Variants in MYO1D observed in about 807,000 individuals in gnomAD.
The protein encoded by MYO1D is unconventional myosin-Id.
In MYO1D, 83 loss-of-function variants were observed where a neutral mutation model predicts 122.0. The ratio of observed to expected loss-of-function variants is 0.68; its 90% confidence interval spans 0.57 to 0.82. The LOEUF is 0.82. Among genes scored for constraint, MYO1D ranks in the 40% least tolerant of loss-of-function variants. The pLI, the probability that MYO1D is intolerant of heterozygous loss-of-function variation, is 0.00. For missense variants in MYO1D, 1,157 were observed against 1,269.5 expected (o/e 0.91, Z 1.35); for synonymous variants, 464 against 446.9 (o/e 1.04, Z -0.48).
At chr17:32,531,806 T>C (rs933534940) in intron 21 of MYO1D, among the ~76,000 whole-genome samples, 1 of 152,262 alleles carries the variant, frequency 6.6e-6, no homozygotes, top group African/African-American at 2.4e-5. Context: ...ATTCAAAATA[T>C]ATACAGGCAA....
chr17:32,645,546 G>A (rs1161825415), intron 19 of MYO1D, among the ~76,000 whole-genome samples: 2 of 152,154 alleles, frequency 1.3e-5, no homozygotes, highest in Non-Finnish European at 2.9e-5. Context: ...GCACCAATCA[G>A]ACGGAGATTT....
intron 1 of MYO1D, among the ~76,000 whole-genome samples, chr17:32,834,573 T>C (rs1315324606): frequency 6.6e-6 from 1 of 152,216 alleles, no homozygotes; most frequent in African/African-American, 2.4e-5. Context: ...AACTCCACTA[T>C]CATTCAATTC....
chr17:32,614,683 G>T (rs562497622), intron 20 of MYO1D, among the ~76,000 whole-genome samples: 1 of 152,192 alleles, frequency 6.6e-6, no homozygotes, highest in Non-Finnish European at 1.5e-5. Flanking sequence ...GCTCAGCTGT[G>T]TGGGCTCATC....
In MYO1D at chr17:32,494,801, G is replaced by A. The variant is rs1366387156; in HGVS notation, c.2979C>T (p.Thr993=). The A allele has an allele frequency of 6.2e-7, 1 of 1,613,042 alleles. No individual in the cohort carries two copies. The highest frequency in any genetic ancestry group is 8.5e-7 in the Non-Finnish European group (1 of 1,179,562). The change falls in exon 22 of 22, where the codon ACC becomes ACT. Residue 993 remains threonine (T), a synonymous_variant. Coordinates refer to ENST00000318217, the MANE Select transcript of MYO1D (RefSeq NM_015194.3). ...TGAGGATGAAGCCCGAGCGATTCTT[G>A]GTGAAGTCGGGCTGGGGCTGGTTGA... ...TRLNQPQPDF[T]KNRSGFILSV...
chr17:32,760,169 G>A (rs773929499), intron 10 of MYO1D, 121 bp downstream of exon 10: 3 of 886,890 alleles, frequency 3.4e-6, no homozygotes, highest in African/African-American at 1.6e-5. Flanking sequence ...TCCCAAAAAG[G>A]AAAGCTAAGG....
At chr17:32,526,120 C>G (rs915554809) in intron 21 of MYO1D, among the ~76,000 whole-genome samples, 1 of 152,182 alleles carries the variant, frequency 6.6e-6, no homozygotes, top group African/African-American at 2.4e-5. Context: ...GACGTATATC[C>G]CCTATTAATG....
In MYO1D at chr17:32,690,244, G is replaced by A. The variant is rs143493322; in HGVS notation, c.2121+21744C>T. Among the ~76,000 whole-genome samples the A allele has an allele frequency of 8.6e-3, 1,275 of 148,998 alleles. 19 individuals carry two copies. The highest frequency in any genetic ancestry group is 0.03 in the African/African-American group (1,199 of 40,450). ...GTCATCCCGGCTGGAGTGCAGTGGC[G>A]CGATCTTGGCTCACTGCACCTCCCG... On this transcript the variant is annotated intron_variant, in intron 16 of 21. Transcript: ENST00000318217.
Position 32,775,855 on chromosome 17 carries a change from A to G in MYO1D, c.564+9T>C. The G allele has an allele frequency of 6.3e-7, 1 of 1,590,512 alleles. No homozygotes were observed. On this transcript the variant is annotated intron_variant, in intron 4 of 21. Coordinates refer to ENST00000318217, the MANE Select transcript of MYO1D (RefSeq NM_015194.3). ...AAAACATTACCCTCAGAAATTAAGC[A>G]TATTTTACCTTTTCTAGTAAGTAGT...
intron 16 of MYO1D, among the ~76,000 whole-genome samples, chr17:32,663,091 G>GT (rs1312834954): frequency 6.6e-6 from 1 of 151,914 alleles, no homozygotes; most frequent in East Asian, 1.9e-4. Context: ...CTAACTTTTT[G>GT]TATTTTTAGT....
chr17:32,872,765 C>T lies in MYO1D; in HGVS notation c.95+4013G>A, dbSNP rs1303020398. Among the ~76,000 whole-genome samples the T allele has an allele frequency of 1.5e-4, 22 of 150,538 alleles. 1 individual carries two copies. The highest frequency in any genetic ancestry group is 5.1e-4 in the African/African-American group (21 of 40,910). On this transcript the variant is annotated intron_variant, in intron 1 of 21. Coordinates refer to ENST00000318217, the MANE Select transcript of MYO1D (RefSeq NM_015194.3). ...ACTGCGGACTGCAGTGGCGCAATCT[C>T]GGCTCACTGCAAGCTCCGCTTCCCG...
At position 32,799,095 on chromosome 17, in the gene MYO1D, T is replaced by C. The variant is rs562323923; in HGVS notation, c.96-18311A>G. On this transcript the variant is annotated intron_variant, in intron 1 of 21. Transcript: ENST00000318217. ...TAGCCAGCCAGTCCTTTTCCACTTG[T>C]GAAAATAACCAAGTATTTTCTATAC... Among the ~76,000 whole-genome samples, 16 of 152,250 alleles carry C rather than the reference T, an allele frequency of 1.1e-4. No homozygotes were observed. The South Asian group carries it at 3.1e-3, about 30-fold the overall frequency.
Position 32,657,924 on chromosome 17 carries a change from T to C in MYO1D, c.2345+1191A>G, listed in dbSNP as rs1329553827. Among the ~76,000 whole-genome samples the C allele has an allele frequency of 3.3e-5, 5 of 152,202 alleles. No homozygotes were observed. The East Asian group carries it at 7.7e-4, about 23-fold the overall frequency. Reference sequence around the variant, plus strand: ...ACAGATCTTTATTGGTATGGACAGATCTTCAAGACTTATTTTTGAGTAAAG... The same window carrying C: ...ACAGATCTTTATTGGTATGGACAGACCTTCAAGACTTATTTTTGAGTAAAG... On this transcript the variant is annotated intron_variant, in intron 17 of 21. Transcript: ENST00000318217.
At chr17:32,759,966 A>G in intron 10 of MYO1D, 1 of 512,708 alleles carries the variant, frequency 2.0e-6, no homozygotes, top group East Asian at 2.9e-5. Flanking sequence ...AAGTTCAGCC[A>G]ATTTAAGGTA....
rs1261178171 is a variant in MYO1D at position 32,494,926 on chromosome 17, CA to C, written c.2865-12del. The C allele has an allele frequency of 1.1e-5, 18 of 1,583,820 alleles. No individual in the cohort carries two copies. The highest frequency in any genetic ancestry group is 1.7e-5 in the Admixed American group (1 of 57,144). ...AGGTGGCGCTTCTCACTGCAGGAACCAAAAACACCAGACGGGCAGTTAGCAG... is the reference window on the plus strand; with the variant it reads ...AGGTGGCGCTTCTCACTGCAGGAACCAAAACACCAGACGGGCAGTTAGCAG... On this transcript the variant is annotated splice_polypyrimidine_tract_variant and intron_variant, in intron 21 of 21. Transcript: ENST00000318217.
intron 3 of MYO1D, among the ~76,000 whole-genome samples, chr17:32,777,728 G>A (rs980288276): frequency 2.0e-5 from 3 of 151,804 alleles, no homozygotes; most frequent in African/African-American, 4.8e-5. Flanking sequence ...GACGGGTCAC[G>A]AGGTCAGGAG....
intron 1 of MYO1D, among the ~76,000 whole-genome samples, chr17:32,799,812 T>G (rs2090445888): frequency 6.6e-6 from 1 of 152,150 alleles, no homozygotes; most frequent in South Asian, 2.1e-4. Flanking sequence ...AAGGGGCTAA[T>G]ATCCATAATA....
At chr17:32,782,737 A>G (rs906271318) in intron 1 of MYO1D, among the ~76,000 whole-genome samples, 1 of 152,134 alleles carries the variant, frequency 6.6e-6, no homozygotes, top group African/African-American at 2.4e-5. Flanking sequence ...GGAGTTTGAG[A>G]CCAGCCTGGG....
At chr17:32,570,189 T>C (rs2087210442) in intron 21 of MYO1D, among the ~76,000 whole-genome samples, 1 of 152,074 alleles carries the variant, frequency 6.6e-6, no homozygotes, top group African/African-American at 2.4e-5. Flanking sequence ...ACCAATTGCC[T>C]GTAAGAGACA....
chr17:32,554,978 GAAAAATGTACGAAAAGCCTTAAAA>G (rs1450398750), intron 21 of MYO1D, among the ~76,000 whole-genome samples: 1 of 152,056 alleles, frequency 6.6e-6, no homozygotes. Context: ...AGCTAATCTA[GAAAAATGTACGAAAAGCCTTAAAA>G]AATATACACT....
Sources: gnomAD v4.1 joint callset for allele counts (sites outside exome capture counted in the v4.1 genomes callset) on GRCh38, gnomAD v4.1.1 for gene constraint, MANE v1.5 for transcripts, NCBI Gene and HGNC (gene_info 2026-07-23, HGNC 2026-07-21) for gene names.